Variants in POSTN observed in about 807,000 individuals in gnomAD.
POSTN encodes periostin.
In POSTN, 71 loss-of-function variants were observed where a neutral mutation model predicts 104.5. That is an observed-to-expected ratio of 0.68 (90% CI 0.56 to 0.83). The LOEUF is 0.83. Ranked by LOEUF, POSTN falls within the 40% of genes least tolerant of loss-of-function variation. POSTN has a pLI of 0.00. For synonymous variants in POSTN, 355 were observed against 340.7 expected, an observed-to-expected ratio of 1.04 and a Z score of -0.46; for missense variants, 949 against 1,006.8, an observed-to-expected ratio of 0.94 and a Z score of 0.78.
chr13:37,564,715 T>G (rs1950039443), intron 21 of POSTN, 155 bp from the exon 22 acceptor site: 1 of 465,494 alleles, frequency 2.1e-6, no homozygotes, highest in Admixed American at 4.1e-5. Context: ...CCTCAGAGTT[T>G]TACATTTTTT....
chr13:37,570,379 T>C (rs1950228830), intron 19 of POSTN, among the ~76,000 whole-genome samples: 1 of 151,856 alleles, frequency 6.6e-6, no homozygotes, highest in South Asian at 2.1e-4. Flanking sequence ...CAAATGCTTT[T>C]AGATTTGTCT....
chr13:37,590,308 G>A (rs1006416), intron 4 of POSTN, 64 bp downstream of exon 4: 961,529 of 1,282,232 alleles, frequency 0.75, 362,687 homozygotes, highest in East Asian at 0.9. Context: ...AAGTTAATAA[G>A]TCAGTTAAAA....
chr13:37,590,192 T>C (rs949848995), intron 4 of POSTN, among the ~76,000 whole-genome samples, 180 bp downstream of exon 4: 17 of 152,162 alleles, frequency 1.1e-4, no homozygotes, highest in Non-Finnish European at 2.1e-4. Context: ...TGGAGATTTA[T>C]TCTATTTACG....
At chr13:37,595,994 G>A (rs1260937417) in intron 2 of POSTN, among the ~76,000 whole-genome samples, 4 of 151,416 alleles carry the variant, frequency 2.6e-5, no homozygotes, top group Non-Finnish European at 4.4e-5. Flanking sequence ...CTAGAGATGG[G>A]GTTCACCATG....
At chr13:37,566,273 AC>A (rs1950097250) in intron 21 of POSTN, among the ~76,000 whole-genome samples, 1 of 152,152 alleles carries the variant, frequency 6.6e-6, no homozygotes, top group African/African-American at 2.4e-5. Context: ...ACAAAGAACC[AC>A]CCTACATCTT....
chr13:37,582,540 G>A (rs768673766), intron 9 of POSTN, 26 bp from the exon 10 acceptor site: 2 of 1,563,756 alleles, frequency 1.3e-6, no homozygotes, highest in Non-Finnish European at 8.7e-7. Context: ...TTAAGAAAGA[G>A]CATTATTTTA....
chr13:37,578,970 T>C, intron 14 of POSTN, 49 bp downstream of exon 14: 1 of 1,596,644 alleles, frequency 6.3e-7, no homozygotes, highest in Non-Finnish European at 8.5e-7. Context: ...AAATCGAGGT[T>C]CATATTAAAA....
chr13:37,576,506 C>A (rs942544255), intron 16 of POSTN, among the ~76,000 whole-genome samples: 25 of 151,876 alleles, frequency 1.6e-4, no homozygotes, highest in African/African-American at 5.8e-4. Flanking sequence ...TATTTTTGCT[C>A]ATTGTAATCA....
intron 19 of POSTN, among the ~76,000 whole-genome samples, chr13:37,570,291 C>T (rs1353453684): frequency 2.6e-5 from 4 of 151,636 alleles, no homozygotes; most frequent in African/African-American, 9.7e-5. Flanking sequence ...AACTCATTAA[C>T]AAACAGTAAA....
intron 5 of POSTN, among the ~76,000 whole-genome samples, chr13:37,587,240 T>C (rs17056123): frequency 0.045 from 6,831 of 152,302 alleles, 503 homozygotes; most frequent in African/African-American, 0.16. Context: ...AACTTTTTAA[T>C]GTGGGTCAAT....
At chr13:37,596,561 C>T (rs527667591) in intron 2 of POSTN, among the ~76,000 whole-genome samples, 18 of 152,288 alleles carry the variant, frequency 1.2e-4, no homozygotes, top group African/African-American at 4.1e-4. Context: ...ATCCTTTGGG[C>T]TATTGAGATA....
rs902416703 is a variant in POSTN at position 37,572,776 on chromosome 13, A to C, written c.2090-1318T>G. The stretch of plus-strand genomic sequence containing the variant: ...GAGACACCTTAAAATTGTGTCCTGG[A>C]GTTTAATTCATTTAGTAAGAATTTA... On this transcript the variant is annotated intron_variant, in intron 17 of 22. Coordinates refer to ENST00000379747, the MANE Select transcript of POSTN (RefSeq NM_006475.3). Among the ~76,000 whole-genome samples the C allele has an allele frequency of 3.3e-5, 5 of 151,626 alleles. No individual in the cohort carries two copies. In the East Asian group the frequency reaches 9.6e-4, roughly 29 times the overall value.
chr13:37,570,625 C>T lies in POSTN; in HGVS notation c.2224G>A (p.Val742Met). Residue 742 changes from valine to methionine, a missense_variant, in exon 19 of 23, where the codon GTG (valine) becomes ATG (methionine). Transcript: ENST00000379747. ...CGTGTCTCTTTTTCAGTTATTTCCA[C>T]AGGCACTCCATCAATGATTTTGGTG... ...KYTKIIDGVP[V>M]EITEKETREE... 1 of 1,609,376 alleles carries T rather than the reference C, an allele frequency of 6.2e-7. No homozygotes were observed. The highest frequency in any genetic ancestry group is 8.5e-7 in the Non-Finnish European group (1 of 1,176,228).
chr13:37,580,052 G>A (rs7986347), intron 11 of POSTN, 61 bp from the exon 12 acceptor site: 649,455 of 1,472,556 alleles, frequency 0.44, 145,440 homozygotes, highest in Middle Eastern at 0.5. Flanking sequence ...TTCACCTACA[G>A]TGCATGTAAT....
At chr13:37,579,414 C>A in intron 12 of POSTN, 55 bp from the exon 13 acceptor site, 1 of 1,385,126 alleles carries the variant, frequency 7.2e-7, no homozygotes. Flanking sequence ...TTGATAAGGA[C>A]TAAGAAACAA....
chr13:37,570,123 A>T (rs981983525), intron 19 of POSTN, among the ~76,000 whole-genome samples: 4 of 151,896 alleles, frequency 2.6e-5, no homozygotes, highest in African/African-American at 9.7e-5. Flanking sequence ...GCTAATTTGG[A>T]CCAACTGGAC....
intron 2 of POSTN, among the ~76,000 whole-genome samples, chr13:37,593,773 A>G (rs187720613): frequency 2.4e-3 from 360 of 151,682 alleles, no homozygotes; most frequent in African/African-American, 8.2e-3. Flanking sequence ...AGAAGCAAAA[A>G]TTTTAATGAT....
At chr13:37,577,637 A>G (rs1029206985) in intron 16 of POSTN, 116 bp downstream of exon 16, 1 of 1,411,670 alleles carries the variant, frequency 7.1e-7, no homozygotes, top group East Asian at 2.5e-5. Context: ...GAGATTGGCC[A>G]TAGTTTGGAA....
At position 37,595,475 on chromosome 13, in the gene POSTN, G is replaced by A. The variant is rs149949941; in HGVS notation, c.218+1709C>T. ...CTATTAAGCCAATGAGCAGGAGATG[G>A]TCAGCAAAGTCCTCTGGTGCCCTAG... On this transcript the variant is annotated intron_variant, in intron 2 of 22. Transcript: ENST00000379747. Among the ~76,000 whole-genome samples, 20 of 152,270 alleles carry A rather than the reference G, an allele frequency of 1.3e-4. No individual in the cohort carries two copies. The East Asian group carries it at 3.9e-3, about 29-fold the overall frequency.
Sources: gnomAD v4.1 joint callset for allele counts (sites outside exome capture counted in the v4.1 genomes callset) on GRCh38, gnomAD v4.1.1 for gene constraint, MANE v1.5 for transcripts, NCBI Gene and HGNC (gene_info 2026-07-23, HGNC 2026-07-21) for gene names.